The following TOX2 variants were observed in gnomAD, a reference collection of about 807,000 sequenced individuals.
TOX2 encodes the protein TOX high mobility group box family member 2, also known as granulosa cell HMG box 1.
TOX2 carries 15 observed loss-of-function variants against 47.4 expected under a neutral mutation model. The observed-to-expected ratio is 0.32, with a 90% CI of 0.21 to 0.49. The LOEUF is 0.49. TOX2 is among the 20% of genes least tolerant of loss of function. TOX2 has a pLI of 0.99. For synonymous variants in TOX2, 290 were observed against 296.6 expected, an observed-to-expected ratio of 0.98 and a Z score of 0.23; for missense variants, 622 against 673.1, an observed-to-expected ratio of 0.92 and a Z score of 0.84.
chr20:44,051,421 T>C lies in TOX2; in HGVS notation c.527T>C (p.Leu176Pro). 2 of 1,613,988 alleles carry C rather than the reference T, an allele frequency of 1.2e-6. No individual in the cohort carries two copies. Among genetic ancestry groups the C allele is most frequent in the Non-Finnish European group, 1.7e-6 (2 of 1,179,980 alleles). Reference protein sequence around the residue: ...SHMSALSQSQLISQMGIRSSI... With the variant: ...SHMSALSQSQPISQMGIRSSI... ...ATGAGTGCCCTCAGCCAGTCCCAGC[T>C]CATCTCGCAGATGGGCATCCGGAGC... The change falls in exon 4 of 9, where the codon CTC becomes CCC. Residue 176 changes from leucine to proline, a missense_variant. Leu to Pro is a moderately conservative substitution (Grantham distance 98, BLOSUM62 -3). Around this residue, in one of 3 missense-constraint regions of TOX2, gnomAD observed 307 missense variants for 327.3 expected, o/e 0.94. Coordinates refer to ENST00000341197, the MANE Select transcript of TOX2 (RefSeq NM_001098797.2).
chr20:43,926,423 GT>G (rs2069168646), intron 1 of TOX2, among the ~76,000 whole-genome samples: 2 of 152,164 alleles, frequency 1.3e-5, no homozygotes, highest in African/African-American at 2.4e-5. Flanking sequence ...CTTTGGACCT[GT>G]CACTTAGCCT....
chr20:44,031,025 A>G (rs2071141978), intron 3 of TOX2, among the ~76,000 whole-genome samples: 1 of 152,132 alleles, frequency 6.6e-6, no homozygotes, highest in Admixed American at 6.5e-5. Context: ...AGACATTTTG[A>G]TGGAAGTGGG....
intron 1 of TOX2, among the ~76,000 whole-genome samples, chr20:43,927,919 T>C (rs555582602): frequency 6.6e-6 from 1 of 152,058 alleles, no homozygotes; most frequent in South Asian, 2.1e-4. Context: ...AGCATGATCT[T>C]ATTAGAGAGA....
intron 1 of TOX2, among the ~76,000 whole-genome samples, chr20:43,943,996 C>T (rs1240061212): frequency 6.6e-6 from 1 of 152,182 alleles, no homozygotes; most frequent in East Asian, 1.9e-4. Flanking sequence ...TATAAATATT[C>T]ATGGACAATT....
chr20:44,041,011 G>A (rs2071323470), intron 3 of TOX2, among the ~76,000 whole-genome samples: 1 of 152,180 alleles, frequency 6.6e-6, no homozygotes, highest in African/African-American at 2.4e-5. Flanking sequence ...CTGAGATGGG[G>A]TTCTTGTGAA....
At chr20:43,948,201 A>G (rs2069502906) in intron 1 of TOX2, among the ~76,000 whole-genome samples, 1 of 152,224 alleles carries the variant, frequency 6.6e-6, no homozygotes, top group Admixed American at 6.5e-5. Context: ...ACAGGGGCCC[A>G]AACACGGCAG....
At chr20:43,978,745 A>G (rs1297680093) in intron 2 of TOX2, among the ~76,000 whole-genome samples, 2 of 149,268 alleles carry the variant, frequency 1.3e-5, no homozygotes, top group Non-Finnish European at 3.0e-5. Flanking sequence ...CATTTTTTAC[A>G]GGAATTATTG....
intron 1 of TOX2, among the ~76,000 whole-genome samples, chr20:43,969,849 T>C (rs554004912): frequency 1.3e-5 from 2 of 152,312 alleles, no homozygotes; most frequent in South Asian, 2.1e-4. Flanking sequence ...GGCAGCTCTT[T>C]CCTAGACATT....
chr20:43,947,895 GGA>G (rs2069499013), intron 1 of TOX2, among the ~76,000 whole-genome samples: 1 of 152,140 alleles, frequency 6.6e-6, no homozygotes, highest in South Asian at 2.1e-4. Flanking sequence ...GTCTTGGAAG[GGA>G]GAGAGTGGCT....
At chr20:43,929,493 T>TCC (rs58233672) in intron 1 of TOX2, among the ~76,000 whole-genome samples, 2 of 151,836 alleles carry the variant, frequency 1.3e-5, no homozygotes, top group African/African-American at 2.4e-5. Context: ...ATTTCTCAGA[T>TCC]CCCCCCACCC....
At chr20:44,000,850 A>C (rs2070566703) in intron 2 of TOX2, among the ~76,000 whole-genome samples, 1 of 152,152 alleles carries the variant, frequency 6.6e-6, no homozygotes, top group Non-Finnish European at 1.5e-5. Context: ...CAAGTGAAGA[A>C]GTTTGTTCCC....
chr20:43,937,609 AG>A (rs1165172571), intron 1 of TOX2, among the ~76,000 whole-genome samples: 1 of 152,014 alleles, frequency 6.6e-6, no homozygotes, highest in Non-Finnish European at 1.5e-5. Flanking sequence ...GATGCTGGGG[AG>A]GCCCGTAGGG....
rs35646131 is a variant in TOX2, at chr20:44,023,430, A to AG, written c.411+16639dup. Among the ~76,000 whole-genome samples, 160 of 134,370 alleles carry AG rather than the reference A, an allele frequency of 1.2e-3. 3 individuals are homozygous for AG. Among genetic ancestry groups the AG allele is most frequent in the African/African-American group, 4.0e-3 (143 of 35,348 alleles). 88.2% of individuals were successfully genotyped at this position (134,370 alleles called of 152,430 possible). ...GGGTGACAGAGCTAGACTTTATCTC[A>AG]GAAAAAAAAAAAAAAAAAAAGGAGG... On this transcript the variant is annotated intron_variant, in intron 3 of 8. Coordinates refer to ENST00000341197, the MANE Select transcript of TOX2 (RefSeq NM_001098797.2).
intron 2 of TOX2, among the ~76,000 whole-genome samples, chr20:44,002,066 G>GAATT (rs2070593063): frequency 6.6e-6 from 1 of 152,122 alleles, no homozygotes; most frequent in African/African-American, 2.4e-5. Flanking sequence ...GCTGGGGGCC[G>GAATT]ATTGCCTTTA....
chr20:44,021,022 G>T (rs2070966905), intron 3 of TOX2, among the ~76,000 whole-genome samples: 1 of 152,106 alleles, frequency 6.6e-6, no homozygotes, highest in African/African-American at 2.4e-5. Context: ...TGATCAGAAA[G>T]ACTCTAGGTT....
chr20:43,951,103 G>A (rs1217516751), intron 1 of TOX2, among the ~76,000 whole-genome samples: 1 of 152,134 alleles, frequency 6.6e-6, no homozygotes, highest in Non-Finnish European at 1.5e-5. Flanking sequence ...CAGGGCGATA[G>A]CTGTCTGGGG....
intron 1 of TOX2, among the ~76,000 whole-genome samples, chr20:43,918,542 T>C (rs2069082184): frequency 6.6e-6 from 1 of 152,190 alleles, no homozygotes; most frequent in African/African-American, 2.4e-5. Context: ...TTAAGTTCAA[T>C]TTAGGTATAT....
At chr20:43,994,137 C>G (rs897960729) in intron 2 of TOX2, among the ~76,000 whole-genome samples, 1 of 151,832 alleles carries the variant, frequency 6.6e-6, no homozygotes, top group Non-Finnish European at 1.5e-5. Context: ...GGCAACAGAG[C>G]AAGACCCTGT....
intron 2 of TOX2, among the ~76,000 whole-genome samples, chr20:44,005,061 C>G (rs1338520843): frequency 1.3e-5 from 2 of 152,074 alleles, no homozygotes; most frequent in Admixed American, 6.5e-5. Context: ...ACTGTGTACC[C>G]CATAAGTAAG....
Sources: allele counts gnomAD v4.1 joint callset (sites outside exome capture counted in the v4.1 genomes callset), GRCh38; gene constraint gnomAD v4.1.1; regional missense constraint gnomAD v4.1.1; transcripts MANE v1.5; gene names NCBI Gene and HGNC (gene_info 2026-07-23, HGNC 2026-07-21).